The following TRMT9B variants were observed in gnomAD, a reference collection of about 807,000 sequenced individuals.
The protein encoded by TRMT9B is tRNA methyltransferase 9B (putative), also known as probable tRNA methyltransferase 9B.
In TRMT9B, 16 loss-of-function variants were observed where a neutral mutation model predicts 11.5. The observed-to-expected ratio is 1.39, with a 90% CI of 0.94 to 2.11. The LOEUF is 2.11. Among genes scored for constraint, TRMT9B ranks in the 30% most tolerant of loss-of-function variants. The pLI is 0.00. For missense variants in TRMT9B, 941 were observed against 553.8 expected (o/e 1.70, Z -7.02); for synonymous variants, 274 against 192.4 (o/e 1.42, Z -3.51).
At chr8:12,946,592 G>T (rs2977097) in intron 1 of TRMT9B, among the ~76,000 whole-genome samples, 1 of 151,992 alleles carries the variant, frequency 6.6e-6, no homozygotes, top group Non-Finnish European at 1.5e-5. Flanking sequence ...CAAGATGAGA[G>T]CATGGGATCT....
At chr8:12,974,117 G>C (rs1452314734) in intron 1 of TRMT9B, among the ~76,000 whole-genome samples, 4 of 152,092 alleles carry the variant, frequency 2.6e-5, no homozygotes. Flanking sequence ...GCTTCAGTGA[G>C]CCAAGATCGC....
Position 13,023,519 on chromosome 8 carries a change from C to G in TRMT9B, c.*1475C>G, listed in dbSNP as rs1221381507. ...CTGTGTGGTCACTGTTTAGATTTGC[C>G]CATGGGTCTCTTTAAATCTATGTCA... On this transcript the variant is annotated 3_prime_UTR_variant, in exon 5 of 5. Coordinates refer to ENST00000524591, the MANE Select transcript of TRMT9B (RefSeq NM_020844.3). The G allele has an allele frequency of 1.2e-5, 2 of 166,888 alleles. No individual in the cohort carries two copies. The highest frequency in any genetic ancestry group is 4.8e-5 in the African/African-American group (2 of 41,364). 10.3% of individuals were successfully genotyped at this position (166,888 alleles called of 1,614,324 possible).
chr8:12,948,587 G>C (rs1307069520), intron 1 of TRMT9B, among the ~76,000 whole-genome samples: 1 of 149,108 alleles, frequency 6.7e-6, no homozygotes, highest in Non-Finnish European at 1.5e-5. Flanking sequence ...TAAATTATAT[G>C]CATGATATAA....
intron 1 of TRMT9B, chr8:12,970,218 G>C (rs1020774878): frequency 2.0e-5 from 3 of 152,200 alleles, no homozygotes; most frequent in African/African-American, 7.2e-5. Context: ...TACTTCGTTA[G>C]CTTGTAGACA....
intron 1 of TRMT9B, chr8:12,952,450 C>G (rs1800754770): frequency 3.5e-6 from 1 of 284,738 alleles, no homozygotes; most frequent in Admixed American, 4.8e-5. Flanking sequence ...ACAGGCGAGA[C>G]AGCCATGCAG....
intron 1 of TRMT9B, among the ~76,000 whole-genome samples, chr8:12,968,571 AAG>A (rs1395208274): frequency 1.3e-5 from 2 of 152,146 alleles, no homozygotes; most frequent in Non-Finnish European, 2.9e-5. Context: ...CTGGAATCTT[AAG>A]AGAGTGACAT....
At position 13,029,419 on chromosome 8, in the gene TRMT9B, T is replaced by A. The variant is rs553007803; in HGVS notation, c.*7375T>A. 18 of 167,178 alleles carry A rather than the reference T, an allele frequency of 1.1e-4. No individual in the cohort carries two copies. Among genetic ancestry groups the A allele is most frequent in the African/African-American group, 4.3e-4 (18 of 41,596 alleles). The allele number at this position is 167,178 out of a possible 1,614,324, so 10.4% of individuals were successfully genotyped here. On this transcript the variant is annotated 3_prime_UTR_variant, in exon 5 of 5. Coordinates refer to ENST00000524591, the MANE Select transcript of TRMT9B (RefSeq NM_020844.3). ...AAGTAGTTTTATTTGCATTAATCAA[T>A]AATGTTCAGGATCTTTTTGTAGTAA...
chr8:12,990,966 G>C lies in TRMT9B; in HGVS notation c.-67G>C. On this transcript the variant is annotated 5_prime_UTR_variant, in exon 2 of 5. Transcript: ENST00000524591. ...TATGAGAAGCAACTGTCACTCTCTG[G>C]AGGTGGAGACTGCCGTGATTCACAA... 7.8e-7 allele frequency: 1 copy of C among 1,288,602 alleles called. No homozygotes were observed. The highest frequency in any genetic ancestry group is 1.0e-6 in the Non-Finnish European group (1 of 988,176). The allele number at this position is 1,288,602 out of a possible 1,614,324, so 79.8% of individuals were successfully genotyped here.
intron 3 of TRMT9B, chr8:13,011,234 C>A: frequency 1.1e-6 from 1 of 887,732 alleles, no homozygotes; most frequent in Non-Finnish European, 1.3e-6. Context: ...GATCCGCCCA[C>A]CACAGCCTCC....
At chr8:13,008,134 T>G (rs1810848287) in intron 3 of TRMT9B, among the ~76,000 whole-genome samples, 1 of 152,222 alleles carries the variant, frequency 6.6e-6, no homozygotes, top group South Asian at 2.1e-4. Context: ...GCATATGTGT[T>G]TCTGTTTAAA....
intron 1 of TRMT9B, among the ~76,000 whole-genome samples, chr8:12,980,866 C>T (rs1805255587): frequency 1.3e-5 from 2 of 152,160 alleles, no homozygotes; most frequent in East Asian, 3.8e-4. Context: ...GATGGAAGAG[C>T]AGTGGCACTA....
intron 4 of TRMT9B, among the ~76,000 whole-genome samples, chr8:13,018,721 G>C (rs1015628411): frequency 2.6e-5 from 4 of 152,176 alleles, no homozygotes; most frequent in African/African-American, 4.8e-5. Flanking sequence ...GTGTGTTTCT[G>C]TTTAAAGACA....
At position 12,991,023 on chromosome 8, in the gene TRMT9B, A is replaced by T. The variant is rs1385616939; in HGVS notation, c.-10A>T. 11 of 1,262,694 alleles carry T rather than the reference A, an allele frequency of 8.7e-6. No homozygotes were observed. Among genetic ancestry groups the T allele is most frequent in the Admixed American group, 2.4e-5 (1 of 41,774 alleles). The allele number at this position is 1,262,694 out of a possible 1,614,324, so 78.2% of individuals were successfully genotyped here. A position where few individuals can be genotyped will look rare whatever the true frequency, so the allele number is the denominator to read the frequency against. ...GAGGTAATTTTCCTGTAATCACAGG[A>T]TGACTCAGGTTAGTAGCTTTCAGCG... On this transcript the variant is annotated 5_prime_UTR_variant, in exon 2 of 5. An upstream start codon of the reference 5' UTR is lost. Transcript: ENST00000524591.
chr8:12,992,753 C>T lies in TRMT9B; in HGVS notation c.-2+1722C>T, dbSNP rs561602848. On this transcript the variant is annotated intron_variant, in intron 2 of 4. Transcript: ENST00000524591. ...GCATGCACCTGTGGTCTTGTGGTCC[C>T]AGCTACTCAGGAGGCTGAGGCAGGA... Among the ~76,000 whole-genome samples, 50 of 151,988 alleles carry T rather than the reference C, an allele frequency of 3.3e-4. 1 individual carries two copies. In the South Asian group the frequency reaches 0.01, roughly 31 times the overall value.
At chr8:12,975,137 A>G (rs758076563) in intron 1 of TRMT9B, among the ~76,000 whole-genome samples, 2 of 152,092 alleles carry the variant, frequency 1.3e-5, no homozygotes, top group African/African-American at 2.4e-5. Context: ...TGTCCAGAAC[A>G]TAGGATTCCA....
intron 1 of TRMT9B, among the ~76,000 whole-genome samples, chr8:12,956,427 A>T (rs900377129): frequency 4.6e-5 from 7 of 152,210 alleles, no homozygotes; most frequent in African/African-American, 1.7e-4. Flanking sequence ...TGGAAAAAGC[A>T]TCAAGCAAAT....
intron 2 of TRMT9B, among the ~76,000 whole-genome samples, chr8:13,004,656 CA>C (rs761419961): frequency 6.6e-6 from 1 of 151,966 alleles, no homozygotes; most frequent in Non-Finnish European, 1.5e-5. Flanking sequence ...CCTGAATAAC[CA>C]GCGGTGATAC....
intron 2 of TRMT9B, among the ~76,000 whole-genome samples, chr8:12,998,447 A>G (rs1038974938): frequency 2.6e-5 from 4 of 152,204 alleles, no homozygotes; most frequent in African/African-American, 9.7e-5. Context: ...AACATAGAGG[A>G]CTCACTACAG....
chr8:12,956,217 T>A (rs1801290247), intron 1 of TRMT9B, among the ~76,000 whole-genome samples: 2 of 152,176 alleles, frequency 1.3e-5, no homozygotes, highest in African/African-American at 4.8e-5. Context: ...GAGTGAATGT[T>A]CTGTGACAAT....
Sources: allele counts gnomAD v4.1 joint callset (sites outside exome capture counted in the v4.1 genomes callset), GRCh38; gene constraint gnomAD v4.1.1; transcripts MANE v1.5; gene names NCBI Gene and HGNC (gene_info 2026-07-23, HGNC 2026-07-21).